Variants in CWF19L2 observed in about 807,000 individuals in gnomAD.
CWF19L2 encodes CWF19-like protein 2.
A neutral mutation model predicts 111.7 loss-of-function variants in CWF19L2; 98 were observed. The observed-to-expected ratio is 0.88, with a 90% CI of 0.75 to 1.04. CWF19L2 has a LOEUF of 1.04. CWF19L2 is among the 50% of genes least tolerant of loss of function. The probability of loss-of-function intolerance (pLI) is 0.00; values close to 1 mark genes in which losing one functional copy is unlikely to be tolerated. For synonymous variants in CWF19L2, 351 were observed against 342.9 expected, an observed-to-expected ratio of 1.02 and a Z score of -0.26; for missense variants, 1,101 against 1,051.4, an observed-to-expected ratio of 1.05 and a Z score of -0.65.
Position 107,336,470 on chromosome 11 carries a change from AG to A in CWF19L2, c.2358+87del, listed in dbSNP as rs1859925129. 2.8e-6 allele frequency: 3 copies of A among 1,079,868 alleles called. No homozygotes were observed. The Admixed American group carries it at 8.3e-5, about 30-fold the overall frequency. 66.9% of individuals were successfully genotyped at this position (1,079,868 alleles called of 1,614,324 possible). A position where few individuals can be genotyped will look rare whatever the true frequency, so the allele number is the denominator to read the frequency against. ...ATAAATTTTGATGTAAGTATATAGGAGAAAAATATGTTAATAAAGACAACAA... is the reference window on the plus strand; with the variant it reads ...ATAAATTTTGATGTAAGTATATAGGAAAAAATATGTTAATAAAGACAACAA... On this transcript the variant is annotated intron_variant, in intron 15 of 17. Coordinates refer to ENST00000282251, the MANE Select transcript of CWF19L2 (RefSeq NM_152434.3).
intron 1 of CWF19L2, among the ~76,000 whole-genome samples, chr11:107,457,453 G>C (rs1861871192): frequency 6.6e-6 from 1 of 152,146 alleles, no homozygotes; most frequent in Non-Finnish European, 1.5e-5. Flanking sequence ...TGTAAAGAAT[G>C]GGTAACTTAA....
chr11:107,455,207 T>A (rs1368954616), intron 2 of CWF19L2, among the ~76,000 whole-genome samples: 1 of 152,138 alleles, frequency 6.6e-6, no homozygotes, highest in East Asian at 1.9e-4. Context: ...AGGTGATGGA[T>A]ATGTTCATTA....
At chr11:107,364,610 G>A (rs1360172431) in intron 12 of CWF19L2, among the ~76,000 whole-genome samples, 1 of 131,622 alleles carries the variant, frequency 7.6e-6, no homozygotes, top group Non-Finnish European at 1.6e-5. Context: ...AAATAAAGAT[G>A]TTCTTTGAAA....
chr11:107,351,548 C>T (rs1860156175), intron 13 of CWF19L2, among the ~76,000 whole-genome samples: 1 of 152,124 alleles, frequency 6.6e-6, no homozygotes, highest in Non-Finnish European at 1.5e-5. Context: ...AAACAGTAGT[C>T]ATGAAATGAA....
intron 8 of CWF19L2, among the ~76,000 whole-genome samples, chr11:107,424,376 T>C (rs1398538330): frequency 6.6e-6 from 1 of 151,420 alleles, no homozygotes; most frequent in Non-Finnish European, 1.5e-5. Flanking sequence ...CTAGTATAAA[T>C]ACACTTTCTA....
chr11:107,414,391 A>G (rs1861197616), intron 10 of CWF19L2, among the ~76,000 whole-genome samples: 1 of 152,148 alleles, frequency 6.6e-6, no homozygotes, highest in Non-Finnish European at 1.5e-5. Context: ...TCTGTAATGC[A>G]GAAGTTGAAC....
At chr11:107,439,463 G>T (rs1325300696) in intron 5 of CWF19L2, among the ~76,000 whole-genome samples, 1 of 152,204 alleles carries the variant, frequency 6.6e-6, no homozygotes, top group African/African-American at 2.4e-5. Context: ...GTTCAGTATG[G>T]AACACAGACA....
At chr11:107,439,226 C>G in intron 5 of CWF19L2, 43 bp from the exon 6 acceptor site, 1 of 1,166,604 alleles carries the variant, frequency 8.6e-7, no homozygotes, top group Non-Finnish European at 1.2e-6. Context: ...AAAAAATTAA[C>G]AAATTATAAA....
rs1000715862 is a variant in CWF19L2, at chr11:107,457,791, C to T, written c.26G>A (p.Ser9Asn). The T allele has an allele frequency of 6.4e-7, 1 of 1,551,772 alleles. No homozygotes were observed. The highest frequency in any genetic ancestry group is 2.0e-5 in the Admixed American group (1 of 51,010). The change falls in exon 1 of 18, where the codon AGT (serine) becomes AAT (asparagine). Residue 9 changes from serine (S) to asparagine (N), a missense_variant. By Grantham distance (46) the Ser-to-Asn change is conservative. Transcript: ENST00000282251. ...ACTCTTCGCACTTTCAAATCTACCA[C>T]TAGCAGCCGCCATACTTGTTGCCAT... Reference protein sequence around the residue: MATSMAAASGRFESAKSIE... With the variant: MATSMAAANGRFESAKSIE...
intron 6 of CWF19L2, 144 bp from the exon 7 acceptor site, chr11:107,433,893 TATATATATATATA>T (rs1397770254): frequency 9.5e-4 from 59 of 62,224 alleles, no homozygotes; most frequent in Non-Finnish European, 1.9e-3. Flanking sequence ...TATATATATA[TATATATATATATA>T]TATATATATA....
intron 16 of CWF19L2, among the ~76,000 whole-genome samples, chr11:107,332,589 T>TA (rs1344629669): frequency 6.6e-6 from 1 of 150,610 alleles, no homozygotes; most frequent in Admixed American, 6.6e-5. Context: ...GCAGGCAAAA[T>TA]ATTTCATGAA....
At chr11:107,421,539 T>A (rs2135402130) in intron 8 of CWF19L2, among the ~76,000 whole-genome samples, 1 of 152,222 alleles carries the variant, frequency 6.6e-6, no homozygotes, top group South Asian at 2.1e-4. Context: ...GTAACAGCAC[T>A]ACACGTTGTA....
At chr11:107,457,646 C>G in intron 1 of CWF19L2, 66 bp downstream of exon 1, 3 of 1,193,864 alleles carry the variant, frequency 2.5e-6, no homozygotes, top group Non-Finnish European at 3.7e-6. Flanking sequence ...GGTGAGTGGG[C>G]TAGCTTACGG....
intron 13 of CWF19L2, among the ~76,000 whole-genome samples, chr11:107,352,763 A>C (rs190950980): frequency 1.3e-5 from 2 of 152,304 alleles, no homozygotes; most frequent in African/African-American, 4.8e-5. Flanking sequence ...CACCTCAACA[A>C]CCTAAAGATA....
intron 12 of CWF19L2, among the ~76,000 whole-genome samples, chr11:107,374,400 C>T (rs370380660): frequency 7.5e-6 from 1 of 134,096 alleles, no homozygotes; most frequent in Non-Finnish European, 1.6e-5. Flanking sequence ...AAGGGAAGCC[C>T]ATCAGACTAA....
chr11:107,426,008 G>C (rs1040389231), intron 8 of CWF19L2, among the ~76,000 whole-genome samples: 8 of 151,862 alleles, frequency 5.3e-5, no homozygotes, highest in Non-Finnish European at 1.0e-4. Context: ...TTGCATGGCA[G>C]TGGACGTTTT....
intron 12 of CWF19L2, among the ~76,000 whole-genome samples, chr11:107,363,088 A>C (rs1452737328): frequency 1.5e-4 from 23 of 152,280 alleles, no homozygotes; most frequent in African/African-American, 4.8e-4. Context: ...GGAAGATGAA[A>C]TGAATGAAAT....
At chr11:107,364,574 C>A (rs1860408839) in intron 12 of CWF19L2, among the ~76,000 whole-genome samples, 1 of 141,310 alleles carries the variant, frequency 7.1e-6, no homozygotes, top group African/African-American at 2.9e-5. Context: ...TGAATGACTA[C>A]TGGGTACATA....
intron 8 of CWF19L2, among the ~76,000 whole-genome samples, chr11:107,424,169 A>T (rs766645391): frequency 6.8e-6 from 1 of 146,120 alleles, no homozygotes; most frequent in Admixed American, 6.8e-5. Context: ...CACAATCTGT[A>T]GCCACATTTC....
Sources: gnomAD v4.1 joint callset for allele counts (sites outside exome capture counted in the v4.1 genomes callset) on GRCh38, gnomAD v4.1.1 for gene constraint, MANE v1.5 for transcripts, NCBI Gene and HGNC (gene_info 2026-07-23, HGNC 2026-07-21) for gene names.